TMEM45A: variants seen among roughly 807,000 people sequenced by gnomAD.
TMEM45A encodes the protein DNA polymerase-transactivated protein 4.
Under a neutral mutation model 32.0 loss-of-function variants are expected in TMEM45A, and 25 were observed. The observed-to-expected ratio is 0.78, with a 90% CI of 0.57 to 1.09. The LOEUF is 1.09. Among genes scored for constraint, TMEM45A ranks in the 50% least tolerant of loss-of-function variants. TMEM45A has a pLI of 0.00. For synonymous variants in TMEM45A, 122 were observed against 114.8 expected (o/e 1.06, Z -0.40); for missense variants, 302 against 325.0 (o/e 0.93, Z 0.54).
intron 4 of TMEM45A, among the ~76,000 whole-genome samples, chr3:100,565,427 A>G (rs988586185): frequency 2.0e-5 from 3 of 152,228 alleles, no homozygotes; most frequent in Non-Finnish European, 4.4e-5. Flanking sequence ...AATTTCAAAC[A>G]GAAATGGAAT....
At chr3:100,524,117 A>T (rs1178133654) in intron 1 of TMEM45A, among the ~76,000 whole-genome samples, 1 of 152,228 alleles carries the variant, frequency 6.6e-6, no homozygotes, top group Non-Finnish European at 1.5e-5. Flanking sequence ...TTTCCACTGG[A>T]GGAGAAAGAA....
rs116328310 is a variant in TMEM45A at position 100,551,542 on chromosome 3, A to C, written c.-3-3667A>C. 8.6e-3 allele frequency among the ~76,000 whole-genome samples: 1,315 copies of C among 152,322 alleles called. 19 individuals carry two copies. Among genetic ancestry groups the C allele is most frequent in the African/African-American group, 0.029 (1,223 of 41,572 alleles). On this transcript the variant is annotated intron_variant, in intron 1 of 5. Transcript: ENST00000323523. ...ACTTTACTTGGCTTTTACAAGGAGT[A>C]AGTTGCACCTGAAGGCAACAGTAAA...
intron 1 of TMEM45A, among the ~76,000 whole-genome samples, chr3:100,542,446 A>G (rs1464031977): frequency 6.6e-6 from 1 of 152,242 alleles, no homozygotes; most frequent in South Asian, 2.1e-4. Context: ...AAAAACAAAA[A>G]TCAATAAGTG....
At position 100,517,857 on chromosome 3, in the gene TMEM45A, G is replaced by A. The variant is rs115247797; in HGVS notation, c.-4+24929G>A. ...GTGATGCTTGTGATTGGAAAAAGCCGTTCTTACGTGGCATCCTTTTAGGAA... is the reference window on the plus strand; with the variant it reads ...GTGATGCTTGTGATTGGAAAAAGCCATTCTTACGTGGCATCCTTTTAGGAA... On this transcript the variant is annotated intron_variant, in intron 1 of 5. Coordinates refer to ENST00000323523, the MANE Select transcript of TMEM45A (RefSeq NM_018004.3). Among the ~76,000 whole-genome samples the A allele has an allele frequency of 7.6e-3, 1,165 of 152,312 alleles. 7 individuals are homozygous for A. The highest frequency in any genetic ancestry group is 0.013 in the Non-Finnish European group (862 of 68,022).
chr3:100,574,952 T>C (rs1706650884), intron 5 of TMEM45A, among the ~76,000 whole-genome samples: 1 of 152,158 alleles, frequency 6.6e-6, no homozygotes, highest in Non-Finnish European at 1.5e-5. Flanking sequence ...ATAGCTTAAG[T>C]TAGTTCCACA....
chr3:100,534,443 C>T (rs1705703537), intron 1 of TMEM45A, among the ~76,000 whole-genome samples: 1 of 152,062 alleles, frequency 6.6e-6, no homozygotes, highest in African/African-American at 2.4e-5. Context: ...GGGTCAGAGT[C>T]AGTGAGAGAG....
At chr3:100,535,951 A>G (rs1488883619) in intron 1 of TMEM45A, among the ~76,000 whole-genome samples, 1 of 152,216 alleles carries the variant, frequency 6.6e-6, no homozygotes, top group East Asian at 1.9e-4. Context: ...GGGGAAAAAA[A>G]GTCTTGACGT....
chr3:100,555,153 G>C, intron 1 of TMEM45A, 56 bp from the exon 2 acceptor site: 1 of 1,451,942 alleles, frequency 6.9e-7, no homozygotes, highest in African/African-American at 1.4e-5. Context: ...GTGATGTTTT[G>C]TCCAGATTCT....
At chr3:100,494,370 TC>T (rs1464895980) in intron 1 of TMEM45A, among the ~76,000 whole-genome samples, 2 of 152,264 alleles carry the variant, frequency 1.3e-5, no homozygotes, top group Admixed American at 1.3e-4. Context: ...ACGCCTGTAA[TC>T]CCAGCACTTT....
At chr3:100,560,598 C>T (rs1706312659) in intron 4 of TMEM45A, among the ~76,000 whole-genome samples, 2 of 151,980 alleles carry the variant, frequency 1.3e-5, no homozygotes, top group Non-Finnish European at 2.9e-5. Context: ...GTTGAGACTT[C>T]CTTTGGAATA....
chr3:100,556,950 G>T lies in TMEM45A; in HGVS notation c.381G>T (p.Leu127Phe), dbSNP rs1468713639. 9.3e-6 allele frequency: 15 copies of T among 1,614,018 alleles called. No homozygotes were observed. The highest frequency in any genetic ancestry group is 2.7e-5 in the African/African-American group (2 of 74,902). ...CTGTGTCCTTAACCAAGTTAATGTT[G>T]TCAAATGCCTTATTTGTGGAGGGTA... ...SLPVSLTKLMLSNALFVEAFI... is the reference protein window; with the variant it reads ...SLPVSLTKLMFSNALFVEAFI... Residue 127 changes from leucine (L) to phenylalanine (F), a missense_variant, in exon 3 of 6, where the codon TTG becomes TTT. Coordinates refer to ENST00000323523, the MANE Select transcript of TMEM45A (RefSeq NM_018004.3).
intron 1 of TMEM45A, among the ~76,000 whole-genome samples, chr3:100,546,237 G>A (rs1466301703): frequency 2.0e-5 from 3 of 152,190 alleles, no homozygotes; most frequent in East Asian, 1.9e-4. Context: ...GCATGTAGGG[G>A]CAGCTTTGCT....
intron 1 of TMEM45A, among the ~76,000 whole-genome samples, chr3:100,521,246 T>G (rs1705430996): frequency 6.6e-6 from 1 of 151,936 alleles, no homozygotes; most frequent in Admixed American, 6.6e-5. Context: ...CGGTAGGGTT[T>G]AGCTTTCATT....
chr3:100,544,807 C>T (rs769323306), intron 1 of TMEM45A, among the ~76,000 whole-genome samples: 1 of 152,162 alleles, frequency 6.6e-6, no homozygotes, highest in Non-Finnish European at 1.5e-5. Context: ...GATCCATGTA[C>T]AAGTCTTTGT....
chr3:100,576,975 T>C lies in TMEM45A; in HGVS notation c.785T>C (p.Leu262Pro). Residue 262 changes from leucine to proline, a missense_variant, in exon 6 of 6, where the codon CTG becomes CCG. Coordinates refer to ENST00000323523, the MANE Select transcript of TMEM45A (RefSeq NM_018004.3). ...KRLCSSEVGLLKNAEREQESE... is the reference protein window; with the variant it reads ...KRLCSSEVGLPKNAEREQESE... ...CTCTGCTCCTCAGAAGTTGGACTTCTGAAAAATGCTGAACGAGAACAAGAA... is the reference window on the plus strand; with the variant it reads ...CTCTGCTCCTCAGAAGTTGGACTTCCGAAAAATGCTGAACGAGAACAAGAA... 1 of 1,613,646 alleles carries C rather than the reference T, an allele frequency of 6.2e-7. No individual in the cohort carries two copies. The highest frequency in any genetic ancestry group is 8.5e-7 in the Non-Finnish European group (1 of 1,179,910).
intron 4 of TMEM45A, among the ~76,000 whole-genome samples, chr3:100,559,249 T>C (rs1576290294): frequency 6.6e-6 from 1 of 152,244 alleles, no homozygotes; most frequent in East Asian, 1.9e-4. Context: ...CATGCATACA[T>C]ATCTGTAAAC....
rs1576269384 is a variant in TMEM45A, at chr3:100,523,764, C to CTCCTCCTTTCTCT, written c.-4+30841_-4+30853dup. Among the ~76,000 whole-genome samples, 3 of 150,658 alleles carry CTCCTCCTTTCTCT rather than the reference C, an allele frequency of 2.0e-5. No homozygotes were observed. In the East Asian group the frequency reaches 5.8e-4, roughly 29 times the overall value. ...CCTCCTTCTCCTCCTCCTTCTCCTC[C>CTCCTCCTTTCTCT]TCCTCCTTTCTCTTCCTTCTCCTCC... On this transcript the variant is annotated intron_variant, in intron 1 of 5. Transcript: ENST00000323523.
At chr3:100,510,310 C>T (rs1708139075) in intron 1 of TMEM45A, among the ~76,000 whole-genome samples, 1 of 152,170 alleles carries the variant, frequency 6.6e-6, no homozygotes, top group African/African-American at 2.4e-5. Flanking sequence ...GGTCCCTGAC[C>T]CCTGACCCCC....
chr3:100,534,813 C>A (rs1260751990), intron 1 of TMEM45A, among the ~76,000 whole-genome samples: 1 of 152,224 alleles, frequency 6.6e-6, no homozygotes, highest in East Asian at 1.9e-4. Context: ...ATAATTCTGG[C>A]AAGCCACCAG....
Sources: allele counts gnomAD v4.1 joint callset (sites outside exome capture counted in the v4.1 genomes callset), GRCh38; gene constraint gnomAD v4.1.1; transcripts MANE v1.5; gene names NCBI Gene and HGNC (gene_info 2026-07-23, HGNC 2026-07-21).